Variants in ALK observed in about 807,000 individuals in gnomAD.
The protein encoded by ALK is ALK tyrosine kinase receptor.
Under a neutral mutation model 163.1 loss-of-function variants are expected in ALK, and 74 were observed. The ratio of observed to expected loss-of-function variants is 0.45; its 90% CI spans 0.38 to 0.55. The LOEUF (loss-of-function observed/expected upper bound fraction) is 0.55. Ranked by LOEUF, ALK falls within the 20% of genes least tolerant of loss-of-function variation. The probability of loss-of-function intolerance (pLI) is 0.00; values close to 1 mark genes in which losing one functional copy is unlikely to be tolerated. For synonymous variants in ALK, 960 were observed against 843.2 expected (o/e 1.14, Z -2.40); for missense variants, 2,063 against 2,105.3 (o/e 0.98, Z 0.39).
Position 29,284,615 on chromosome 2 carries a change from C to G in ALK, c.1818-9119G>C, listed in dbSNP as rs141697266. ...AACCAAGCTCATGGGCCGGATCTGTCTCACTGCTTTGCACTCTTGATTGTG... is the reference window on the plus strand; with the variant it reads ...AACCAAGCTCATGGGCCGGATCTGTGTCACTGCTTTGCACTCTTGATTGTG... On this transcript the variant is annotated intron_variant, in intron 9 of 28. Transcript: ENST00000389048. 1.5e-4 allele frequency among the ~76,000 whole-genome samples: 23 copies of G among 152,324 alleles called. No homozygotes were observed. In the East Asian group the frequency reaches 4.2e-3, roughly 28 times the overall value.
chr2:29,202,233 C>T (rs1302962735), intron 26 of ALK, among the ~76,000 whole-genome samples: 2 of 152,226 alleles, frequency 1.3e-5, no homozygotes, highest in Non-Finnish European at 2.9e-5. Flanking sequence ...CCAAGGCCTG[C>T]CCTTTCTTTC....
intron 1 of ALK, among the ~76,000 whole-genome samples, chr2:29,872,511 G>A (rs1436455497): frequency 4.6e-5 from 7 of 152,224 alleles, no homozygotes; most frequent in African/African-American, 1.7e-4. Context: ...TTAGCCCACA[G>A]TTGGGGAAAA....
At chr2:29,500,850 G>C (rs1672156817) in intron 4 of ALK, among the ~76,000 whole-genome samples, 2 of 152,120 alleles carry the variant, frequency 1.3e-5, no homozygotes, top group South Asian at 4.1e-4. Flanking sequence ...CAGGGGCTCT[G>C]GTCTCAGCTG....
At chr2:29,458,429 T>G (rs1268123690) in intron 4 of ALK, among the ~76,000 whole-genome samples, 1 of 152,188 alleles carries the variant, frequency 6.6e-6, no homozygotes, top group Non-Finnish European at 1.5e-5. Context: ...TCATCTGCAC[T>G]TTCCAATGCT....
intron 3 of ALK, among the ~76,000 whole-genome samples, chr2:29,690,054 G>C (rs769712646): frequency 6.6e-6 from 1 of 152,260 alleles, no homozygotes; most frequent in African/African-American, 2.4e-5. Flanking sequence ...TAAGCCATCC[G>C]GTTTGTAAGA....
At chr2:29,435,997 C>T (rs1670386462) in intron 4 of ALK, among the ~76,000 whole-genome samples, 1 of 151,938 alleles carries the variant, frequency 6.6e-6, no homozygotes, top group Non-Finnish European at 1.5e-5. Flanking sequence ...AAGAAAAAGG[C>T]AAGATACAAA....
intron 1 of ALK, among the ~76,000 whole-genome samples, chr2:29,745,441 T>A (rs1409281779): frequency 6.6e-6 from 1 of 152,148 alleles, no homozygotes; most frequent in Non-Finnish European, 1.5e-5. Context: ...CTCCACCATA[T>A]ATAATAAAAT....
intron 9 of ALK, among the ~76,000 whole-genome samples, chr2:29,293,029 C>T (rs1666079343): frequency 6.6e-6 from 1 of 152,156 alleles, no homozygotes; most frequent in Non-Finnish European, 1.5e-5. Flanking sequence ...GTGATTCCAA[C>T]AGGAATGTGA....
At chr2:29,254,305 C>CTCTA (rs1664901214) in intron 11 of ALK, among the ~76,000 whole-genome samples, 1 of 50,450 alleles carries the variant, frequency 2.0e-5, no homozygotes, top group East Asian at 2.5e-3. Flanking sequence ...CTCTCTCTCT[C>CTCTA]TATATATATA....
chr2:29,662,457 C>A (rs1677378576), intron 3 of ALK, among the ~76,000 whole-genome samples: 1 of 152,130 alleles, frequency 6.6e-6, no homozygotes, highest in African/African-American at 2.4e-5. Flanking sequence ...TGAAATTTGG[C>A]CCCTTCCTTA....
chr2:29,564,700 T>C (rs1282321024), intron 3 of ALK, among the ~76,000 whole-genome samples: 1 of 152,206 alleles, frequency 6.6e-6, no homozygotes, highest in Non-Finnish European at 1.5e-5. Flanking sequence ...GAGGTCATTA[T>C]GCGTGAGGAA....
At chr2:29,546,016 A>G (rs895689495) in intron 3 of ALK, among the ~76,000 whole-genome samples, 2 of 152,218 alleles carry the variant, frequency 1.3e-5, no homozygotes, top group African/African-American at 4.8e-5. Context: ...GTGTGTGTGT[A>G]GTAAAATACG....
chr2:29,500,591 C>T (rs1292014828), intron 4 of ALK, among the ~76,000 whole-genome samples: 3 of 152,000 alleles, frequency 2.0e-5, no homozygotes, highest in Non-Finnish European at 1.5e-5. Context: ...ATCCCTTTAT[C>T]CTCATCATGT....
chr2:29,360,092 T>G (rs536868873), intron 5 of ALK, among the ~76,000 whole-genome samples: 1 of 152,318 alleles, frequency 6.6e-6, no homozygotes, highest in South Asian at 2.1e-4. Flanking sequence ...TCTCTTCTTC[T>G]CAGGCAGAGC....
chr2:29,619,443 C>T (rs1013177189), intron 3 of ALK, among the ~76,000 whole-genome samples: 10 of 152,294 alleles, frequency 6.6e-5, no homozygotes, highest in East Asian at 1.9e-4. Context: ...GCCCTCAGAT[C>T]GAGCTCTCCT....
intron 3 of ALK, among the ~76,000 whole-genome samples, chr2:29,584,499 G>A (rs966813188): frequency 1.7e-4 from 26 of 152,140 alleles, no homozygotes; most frequent in Non-Finnish European, 2.8e-4. Context: ...CCACACATCC[G>A]TGTGACCATG....
At chr2:29,518,044 AGGGTTGGT>A (rs111998787) in intron 4 of ALK, among the ~76,000 whole-genome samples, 1 of 152,322 alleles carries the variant, frequency 6.6e-6, no homozygotes, top group African/African-American at 2.4e-5. Context: ...AGAATAAAAC[AGGGTTGGT>A]GGTGGGCTGT....
chr2:29,245,075 C>G (rs1664624530), intron 12 of ALK, among the ~76,000 whole-genome samples: 1 of 152,034 alleles, frequency 6.6e-6, no homozygotes, highest in Non-Finnish European at 1.5e-5. Flanking sequence ...CTGTATGGCT[C>G]ACTGCCCTGC....
intron 3 of ALK, among the ~76,000 whole-genome samples, chr2:29,534,990 G>C (rs1216711158): frequency 6.6e-6 from 1 of 152,226 alleles, no homozygotes; most frequent in Non-Finnish European, 1.5e-5. Context: ...TTCATCAGCA[G>C]CTTTCCTCTA....
Sources: gnomAD v4.1 joint callset for allele counts (sites outside exome capture counted in the v4.1 genomes callset) on GRCh38, gnomAD v4.1.1 for gene constraint, MANE v1.5 for transcripts, NCBI Gene and HGNC (gene_info 2026-07-23, HGNC 2026-07-21) for gene names.